TARS3: variants seen among roughly 807,000 people sequenced by gnomAD.
The protein encoded by TARS3 is threonine--tRNA ligase 2, cytoplasmic.
Under a neutral mutation model 103.5 loss-of-function variants are expected in TARS3, and 94 were observed. The observed-to-expected ratio is 0.91, with a 90% confidence interval of 0.77 to 1.08. The LOEUF is 1.08. Among genes scored for constraint, TARS3 ranks in the 50% least tolerant of loss-of-function variants. TARS3 has a pLI of 0.00. For missense variants in TARS3, 952 were observed against 995.2 expected, an observed-to-expected ratio of 0.96 and a Z score of 0.58; for synonymous variants, 416 against 355.4, an observed-to-expected ratio of 1.17 and a Z score of -1.92.
At chr15:101,723,910 C>T (rs1390890821) in intron 1 of TARS3, among the ~76,000 whole-genome samples, 181 bp downstream of exon 1, 1 of 151,954 alleles carries the variant, frequency 6.6e-6, no homozygotes, top group African/African-American at 2.4e-5. Flanking sequence ...GCTGGAAATC[C>T]GGCGGCTCCC....
intron 8 of TARS3, among the ~76,000 whole-genome samples, chr15:101,703,257 T>G (rs1899373294): frequency 6.6e-6 from 1 of 152,222 alleles, no homozygotes; most frequent in Non-Finnish European, 1.5e-5. Flanking sequence ...TCAGGGCTAT[T>G]CAAGAAAACC....
intron 1 of TARS3, among the ~76,000 whole-genome samples, chr15:101,723,774 GT>G (rs1278122753): frequency 6.6e-6 from 1 of 152,266 alleles, no homozygotes; most frequent in Non-Finnish European, 1.5e-5. Flanking sequence ...GAAAGAATGA[GT>G]TTTAAACACT....
At chr15:101,702,075 C>T (rs1479110551) in intron 9 of TARS3, among the ~76,000 whole-genome samples, 164 bp downstream of exon 9, 1 of 152,158 alleles carries the variant, frequency 6.6e-6, no homozygotes, top group African/African-American at 2.4e-5. Flanking sequence ...TAGAAGACAT[C>T]TGGGGTATTA....
At chr15:101,707,224 T>C (rs547895753) in intron 6 of TARS3, among the ~76,000 whole-genome samples, 4 of 151,798 alleles carry the variant, frequency 2.6e-5, no homozygotes, top group African/African-American at 9.7e-5. Flanking sequence ...GAACCCCCTG[T>C]GCATCACTGG....
chr15:101,679,860 G>C (rs1298421883), intron 12 of TARS3, among the ~76,000 whole-genome samples: 1 of 152,226 alleles, frequency 6.6e-6, no homozygotes, highest in Non-Finnish European at 1.5e-5. Context: ...GGAAGTAAGG[G>C]GAGAGGAGCT....
chr15:101,666,131 G>T (rs527531613), intron 15 of TARS3, among the ~76,000 whole-genome samples: 1 of 152,178 alleles, frequency 6.6e-6, no homozygotes, highest in South Asian at 2.1e-4. Flanking sequence ...ACTTACTCTG[G>T]AAATGAGATG....
At chr15:101,715,305 C>T (rs1407322107) in intron 3 of TARS3, among the ~76,000 whole-genome samples, 1 of 151,298 alleles carries the variant, frequency 6.6e-6, no homozygotes, top group Non-Finnish European at 1.5e-5. Context: ...CGCCACTACG[C>T]GCGGCTAATT....
rs114887155 is a variant in TARS3, at chr15:101,665,135, T to A, written c.1968-3319A>T. 7.2e-4 allele frequency among the ~76,000 whole-genome samples: 109 copies of A among 152,310 alleles called. 1 individual carries two copies. Among genetic ancestry groups the A allele is most frequent in the African/African-American group, 2.3e-3 (97 of 41,556 alleles). ...AATACCAAAAGGTCTAATATTCAGG[T>A]CACCTGCGTCCCAGAAGGAGCGGAG... On this transcript the variant is annotated intron_variant, in intron 15 of 18. Transcript: ENST00000335968.
chr15:101,704,992 A>G (rs911869846), intron 7 of TARS3, among the ~76,000 whole-genome samples: 2 of 152,232 alleles, frequency 1.3e-5, no homozygotes, highest in African/African-American at 4.8e-5. Flanking sequence ...CTGTGGTTAT[A>G]ATTAAATAAA....
chr15:101,702,300 A>G lies in TARS3; in HGVS notation c.1160T>C (p.Met387Thr). The G allele has an allele frequency of 1.2e-6, 2 of 1,614,138 alleles. No homozygotes were observed. The highest frequency in any genetic ancestry group is 1.7e-6 in the Non-Finnish European group (2 of 1,180,026). The change falls in exon 9 of 19, where the codon ATG becomes ACG. Residue 387 changes from methionine (M) to threonine (T), a missense_variant. This residue lies in a region of TARS3 where 540 missense variants were observed against 631.0 expected (regional missense o/e 0.86). Coordinates refer to ENST00000335968, the MANE Select transcript of TARS3 (RefSeq NM_152334.3). ...YGISFPDNKM[M>T]RDWEKFQEEA... ...CTCTTGGAACTTTTCCCAGTCTCTC[A>G]TCATCTTGTTATCAGGAAAGGATAT...
At position 101,684,237 on chromosome 15, in the gene TARS3, A is replaced by C; in HGVS notation, c.1488T>G (p.Cys496Trp). Residue 496 changes from cysteine (C) to tryptophan (W), a missense_variant and splice_region_variant, in exon 12 of 19, where the codon TGT becomes TGG. By Grantham distance (215) the Cys-to-Trp change is radical. This residue lies in a region of TARS3 where 540 missense variants were observed against 631.0 expected (regional missense o/e 0.86). Transcript: ENST00000335968. ...ATCGTGGACGATGGGCAAACATTAG[A>C]CTAGAAAAGATGTGGTAACACACAG... ...ALKPMNCPGH[C>W]LMFAHRPRSW... is the part of the protein sequence containing the mutation. 1.9e-6 allele frequency: 3 copies of C among 1,613,366 alleles called. No individual in the cohort carries two copies. Among genetic ancestry groups the C allele is most frequent in the Non-Finnish European group, 2.5e-6 (3 of 1,179,530 alleles).
chr15:101,711,780 G>T lies in TARS3; in HGVS notation c.812+100C>A, dbSNP rs544646152. ...GTCGGTGCCCCTAACCCCACATTAT[G>T]TAAGGGCCAGCAGTATACAGTTACT... On this transcript the variant is annotated intron_variant, in intron 5 of 18. Coordinates refer to ENST00000335968, the MANE Select transcript of TARS3 (RefSeq NM_152334.3). The T allele has an allele frequency of 7.3e-6, 10 of 1,376,804 alleles. No individual in the cohort carries two copies. The East Asian group carries it at 2.0e-4, about 28-fold the overall frequency. The allele number at this position is 1,376,804 out of a possible 1,614,324, so 85.3% of individuals were successfully genotyped here.
chr15:101,722,082 A>G (rs1171780183), intron 2 of TARS3, among the ~76,000 whole-genome samples: 1 of 152,078 alleles, frequency 6.6e-6, no homozygotes, highest in Non-Finnish European at 1.5e-5. Context: ...TTGGGACATA[A>G]CCCAACTGTA....
At chr15:101,697,843 T>G (rs901757632) in intron 10 of TARS3, among the ~76,000 whole-genome samples, 1 of 152,196 alleles carries the variant, frequency 6.6e-6, no homozygotes, top group Non-Finnish European at 1.5e-5. Flanking sequence ...TGTCTCACAG[T>G]AGCCTCCCAG....
At chr15:101,656,524 G>T (rs905807206) in intron 18 of TARS3, among the ~76,000 whole-genome samples, 1 of 152,046 alleles carries the variant, frequency 6.6e-6, no homozygotes, top group African/African-American at 2.4e-5. Flanking sequence ...TTTTAAATTT[G>T]GGATCTTTTC....
intron 3 of TARS3, 71 bp downstream of exon 3, chr15:101,721,055 T>A: frequency 7.3e-7 from 1 of 1,368,878 alleles, no homozygotes; most frequent in Non-Finnish European, 1.0e-6. Context: ...TAGCGGTCCC[T>A]AAGAAAACAT....
chr15:101,655,900 C>T (rs781536503), intron 18 of TARS3: 24 of 1,288,686 alleles, frequency 1.9e-5, no homozygotes, highest in South Asian at 2.5e-5. Flanking sequence ...CAGACCCATG[C>T]GAGCCAGCCA....
chr15:101,683,950 G>T, intron 12 of TARS3, 125 bp downstream of exon 12: 2 of 855,316 alleles, frequency 2.3e-6, no homozygotes, highest in Non-Finnish European at 3.4e-6. Flanking sequence ...GCAGGTTAGA[G>T]CTGAATGAAT....
chr15:101,709,109 G>A (rs934171304), intron 5 of TARS3, among the ~76,000 whole-genome samples, 199 bp from the exon 6 acceptor site: 5 of 152,204 alleles, frequency 3.3e-5, no homozygotes, highest in African/African-American at 1.2e-4. Context: ...GCCAAGACCT[G>A]CCTCATTTCT....
Sources: gnomAD v4.1 joint callset for allele counts (sites outside exome capture counted in the v4.1 genomes callset) on GRCh38, gnomAD v4.1.1 for gene constraint, gnomAD v4.1.1 regional missense constraint, MANE v1.5 for transcripts, NCBI Gene and HGNC (gene_info 2026-07-23, HGNC 2026-07-21) for gene names.